The following MAP2K5 variants were observed in gnomAD, a reference collection of about 807,000 sequenced individuals.
MAP2K5 encodes dual specificity mitogen-activated protein kinase kinase 5.
A neutral mutation model predicts 83.1 loss-of-function variants in MAP2K5; 49 were observed. The observed-to-expected ratio is 0.59, with a 90% CI of 0.47 to 0.75. The LOEUF (loss-of-function observed/expected upper bound fraction) is 0.75. MAP2K5 is among the 30% of genes least tolerant of loss of function. The pLI is 0.00. For synonymous variants in MAP2K5, 202 were observed against 191.8 expected, an observed-to-expected ratio of 1.05 and a Z score of -0.44; for missense variants, 457 against 557.5, an observed-to-expected ratio of 0.82 and a Z score of 1.82.
intron 4 of MAP2K5, among the ~76,000 whole-genome samples, chr15:67,583,317 T>C (rs986386434): frequency 6.6e-6 from 1 of 152,110 alleles, no homozygotes; most frequent in African/African-American, 2.4e-5. Context: ...GAGTATGTTA[T>C]GGGGAGAGGA....
intron 16 of MAP2K5, among the ~76,000 whole-genome samples, chr15:67,713,105 C>CTTGTACAAATA (rs2088735874): frequency 1.3e-5 from 2 of 151,918 alleles, no homozygotes; most frequent in African/African-American, 4.8e-5. Flanking sequence ...ACAAGATTGC[C>CTTGTACAAATA]CTTCTCTTAG....
intron 3 of MAP2K5, among the ~76,000 whole-genome samples, chr15:67,570,373 C>T (rs960522914): frequency 6.6e-6 from 1 of 152,204 alleles, no homozygotes; most frequent in South Asian, 2.1e-4. Context: ...TTTTCTTTCT[C>T]ATCATCTAAT....
At chr15:67,612,682 T>G (rs1446812803) in intron 8 of MAP2K5, among the ~76,000 whole-genome samples, 3 of 152,182 alleles carry the variant, frequency 2.0e-5, no homozygotes, top group Non-Finnish European at 4.4e-5. Flanking sequence ...TGCACAAAAG[T>G]GCACAAAATG....
chr15:67,687,790 A>T (rs888705265), intron 13 of MAP2K5, among the ~76,000 whole-genome samples: 3 of 152,076 alleles, frequency 2.0e-5, no homozygotes, highest in Admixed American at 1.3e-4. Flanking sequence ...TGCTCAACAA[A>T]TATTGTTTCC....
intron 8 of MAP2K5, among the ~76,000 whole-genome samples, chr15:67,605,928 T>G (rs1657679970): frequency 6.6e-6 from 1 of 152,344 alleles, no homozygotes; most frequent in South Asian, 2.1e-4. Flanking sequence ...ATATCCACAC[T>G]GAGGAGATTG....
At chr15:67,616,571 G>T (rs1438050750) in intron 8 of MAP2K5, among the ~76,000 whole-genome samples, 1 of 152,140 alleles carries the variant, frequency 6.6e-6, no homozygotes, top group Non-Finnish European at 1.5e-5. Context: ...GGAAAACAAA[G>T]AACTGATGTT....
rs190647409 is a variant in MAP2K5 at position 67,649,199 on chromosome 15, A to G, written c.736+2730A>G. Among the ~76,000 whole-genome samples the G allele has an allele frequency of 1.1e-3, 167 of 152,222 alleles. 1 individual carries two copies. The highest frequency in any genetic ancestry group is 3.9e-3 in the African/African-American group (163 of 41,530). ...ATTTGTATACCTTCTTTTGAGAAATATGTTTTCAAATCCTTTGTCTATTTT... is the reference window on the plus strand; with the variant it reads ...ATTTGTATACCTTCTTTTGAGAAATGTGTTTTCAAATCCTTTGTCTATTTT... On this transcript the variant is annotated intron_variant, in intron 11 of 21. Coordinates refer to ENST00000178640, the MANE Select transcript of MAP2K5 (RefSeq NM_145160.3).
intron 17 of MAP2K5, among the ~76,000 whole-genome samples, chr15:67,735,749 T>G (rs2089325803): frequency 6.6e-6 from 1 of 152,166 alleles, no homozygotes; most frequent in Non-Finnish European, 1.5e-5. Context: ...CTTTGTAATT[T>G]TTAAATAATC....
At chr15:67,804,814 G>A (rs140012695) in intron 21 of MAP2K5, among the ~76,000 whole-genome samples, 1 of 152,304 alleles carries the variant, frequency 6.6e-6, no homozygotes, top group African/African-American at 2.4e-5. Context: ...GAGAGGAAGT[G>A]TGCACGCTTG....
At chr15:67,705,327 G>A (rs2088523659) in intron 16 of MAP2K5, among the ~76,000 whole-genome samples, 1 of 152,296 alleles carries the variant, frequency 6.6e-6, no homozygotes, top group Admixed American at 6.5e-5. Context: ...CTCAAGTCTT[G>A]GCTGTCATGG....
chr15:67,656,986 CT>C (rs1555537652), intron 11 of MAP2K5, among the ~76,000 whole-genome samples: 1 of 152,140 alleles, frequency 6.6e-6, no homozygotes, highest in Non-Finnish European at 1.5e-5. Context: ...ATTTTTTCAC[CT>C]ATGACGTTTA....
At chr15:67,752,047 TTTTG>T (rs777800677) in intron 19 of MAP2K5, among the ~76,000 whole-genome samples, 48 of 152,186 alleles carry the variant, frequency 3.2e-4, no homozygotes, top group African/African-American at 8.2e-4. Context: ...CTTCGGTGTT[TTTTG>T]TTTGTTTGTT....
intron 11 of MAP2K5, among the ~76,000 whole-genome samples, chr15:67,648,437 G>A (rs751561944): frequency 3.3e-5 from 5 of 151,960 alleles, no homozygotes; most frequent in African/African-American, 4.8e-5. Flanking sequence ...ATAACATTTC[G>A]TTGTATGGCT....
intron 8 of MAP2K5, among the ~76,000 whole-genome samples, chr15:67,610,599 T>A (rs2085896815): frequency 6.6e-6 from 1 of 152,190 alleles, no homozygotes. Context: ...CGTATAACTT[T>A]CTGCCACAGT....
chr15:67,613,797 T>C (rs2085989144), intron 8 of MAP2K5, among the ~76,000 whole-genome samples: 1 of 151,938 alleles, frequency 6.6e-6, no homozygotes, highest in Non-Finnish European at 1.5e-5. Context: ...AACGGGTTAA[T>C]ATTTTTGTCA....
At chr15:67,662,676 G>A (rs2141149511) in intron 12 of MAP2K5, among the ~76,000 whole-genome samples, 1 of 152,154 alleles carries the variant, frequency 6.6e-6, no homozygotes, top group South Asian at 2.1e-4. Flanking sequence ...CACATAGAAG[G>A]TAGTACTTGT....
In MAP2K5 at chr15:67,579,719, T is replaced by C. The variant is rs141337705; in HGVS notation, c.253-1035T>C. Among the ~76,000 whole-genome samples the C allele has an allele frequency of 5.4e-4, 82 of 150,574 alleles. No homozygotes were observed. In the East Asian group the frequency reaches 0.013, roughly 24 times the overall value. Reference sequence around the variant, plus strand: ...AGAGGAAAAAAAAAACCCTTGCTCTTGTAATAATTTTAATGTACATAAAAG... The same window carrying C: ...AGAGGAAAAAAAAAACCCTTGCTCTCGTAATAATTTTAATGTACATAAAAG... On this transcript the variant is annotated intron_variant, in intron 3 of 21. Transcript: ENST00000178640.
intron 9 of MAP2K5, among the ~76,000 whole-genome samples, chr15:67,635,928 T>C (rs1485781224): frequency 2.0e-5 from 3 of 152,224 alleles, no homozygotes; most frequent in African/African-American, 7.2e-5. Flanking sequence ...ACATCTTTAA[T>C]GTCTCTACTT....
chr15:67,619,783 T>G (rs1485080955), intron 8 of MAP2K5, among the ~76,000 whole-genome samples: 9 of 149,348 alleles, frequency 6.0e-5, no homozygotes, highest in Non-Finnish European at 1.2e-4. Flanking sequence ...AAATAAAAAT[T>G]AGCCAGCCAT....
Sources: gnomAD v4.1 joint callset for allele counts (sites outside exome capture counted in the v4.1 genomes callset) on GRCh38, gnomAD v4.1.1 for gene constraint, MANE v1.5 for transcripts, NCBI Gene and HGNC (gene_info 2026-07-23, HGNC 2026-07-21) for gene names.